CSMD3: variants seen among roughly 807,000 people sequenced by gnomAD.
CSMD3 encodes CUB and Sushi multiple domains 3.
CSMD3 carries 177 observed loss-of-function variants against 435.2 expected under a neutral mutation model. That is an observed-to-expected ratio of 0.41 (90% CI 0.36 to 0.46). CSMD3 has a LOEUF of 0.46. Among genes scored for constraint, CSMD3 ranks in the 20% least tolerant of loss-of-function variants. The pLI, the probability that CSMD3 is intolerant of heterozygous loss-of-function variation, is 0.34. For synonymous variants in CSMD3, 1,656 were observed against 1,520.5 expected (o/e 1.09, Z -2.07); for missense variants, 4,265 against 4,504.6 (o/e 0.95, Z 1.52).
chr8:112,416,166 G>A (rs1248623741), intron 32 of CSMD3, among the ~76,000 whole-genome samples: 1 of 152,148 alleles, frequency 6.6e-6, no homozygotes, highest in African/African-American at 2.4e-5. Flanking sequence ...CATGTGTACT[G>A]GGAAGGACCC....
intron 10 of CSMD3, among the ~76,000 whole-genome samples, chr8:112,916,921 A>G (rs1274840082): frequency 1.3e-5 from 2 of 152,020 alleles, no homozygotes; most frequent in South Asian, 2.1e-4. Flanking sequence ...GGGAATTTGT[A>G]ACATATGTAA....
intron 3 of CSMD3, among the ~76,000 whole-genome samples, chr8:113,204,125 T>A (rs1306208424): frequency 6.6e-6 from 1 of 152,186 alleles, no homozygotes; most frequent in Non-Finnish European, 1.5e-5. Flanking sequence ...CTTAGATTTA[T>A]GTTTTTCCCT....
At chr8:112,336,038 G>A (rs866965920) in intron 44 of CSMD3, among the ~76,000 whole-genome samples, 25 of 151,936 alleles carry the variant, frequency 1.6e-4, no homozygotes, top group Admixed American at 1.5e-3. Context: ...TCAGCCTCCT[G>A]AATAGCTGGG....
intron 1 of CSMD3, among the ~76,000 whole-genome samples, chr8:113,365,846 G>A (rs1238744852): frequency 6.6e-6 from 1 of 151,832 alleles, no homozygotes; most frequent in Non-Finnish European, 1.5e-5. Flanking sequence ...CATATAATCT[G>A]TCATTTTTAT....
At chr8:113,231,796 G>A (rs2093090829) in intron 3 of CSMD3, among the ~76,000 whole-genome samples, 1 of 151,410 alleles carries the variant, frequency 6.6e-6, no homozygotes, top group Non-Finnish European at 1.5e-5. Context: ...CCTAAAAACA[G>A]GAGTGATATT....
rs2130991372 is a variant in CSMD3, at chr8:112,341,523, G to C, written c.6606C>G (p.His2202Gln). 1.2e-6 allele frequency: 2 copies of C among 1,613,230 alleles called. No homozygotes were observed. The highest frequency in any genetic ancestry group is 1.7e-6 in the Non-Finnish European group (2 of 1,179,314). ...STTHETSLYF[H>Q]SDYSQNKQGF... ...CTTGTTTGTTTTGTGAATAGTCACT[G>C]TGAAAATATAAGCTGGTTTCATGGG... Residue 2202 changes from histidine (H) to glutamine (Q), a missense_variant, in exon 42 of 71, where the codon CAC (histidine) becomes CAG (glutamine). Physicochemically the swap from His to Gln is conservative, Grantham distance 24 (BLOSUM62 0). This residue lies in a region of CSMD3 where 3,255 missense variants were observed against 3,380.2 expected (regional missense o/e 0.96). Coordinates refer to ENST00000297405, the MANE Select transcript of CSMD3 (RefSeq NM_198123.2).
At chr8:112,313,331 T>C (rs781203633) in intron 49 of CSMD3, among the ~76,000 whole-genome samples, 8 of 152,126 alleles carry the variant, frequency 5.3e-5, no homozygotes, top group Non-Finnish European at 8.8e-5. Flanking sequence ...GTAAATGATG[T>C]GTTACTCTCT....
intron 32 of CSMD3, among the ~76,000 whole-genome samples, chr8:112,413,300 C>G (rs1482778309): frequency 1.3e-5 from 2 of 152,124 alleles, no homozygotes; most frequent in African/African-American, 4.8e-5. Context: ...AAGTATCCAT[C>G]CAAATAAGAT....
At chr8:113,330,158 TA>T (rs1196279296) in intron 1 of CSMD3, among the ~76,000 whole-genome samples, 1 of 152,066 alleles carries the variant, frequency 6.6e-6, no homozygotes, top group Non-Finnish European at 1.5e-5. Flanking sequence ...CATTTAATAA[TA>T]AAATGCTACT....
chr8:113,066,972 TTAAG>T (rs2088886401), intron 5 of CSMD3, among the ~76,000 whole-genome samples: 1 of 152,100 alleles, frequency 6.6e-6, no homozygotes, highest in African/African-American at 2.4e-5. Context: ...CTAATTTGGA[TTAAG>T]TAATATTAAG....
At chr8:113,419,293 T>C (rs1354483547) in intron 1 of CSMD3, among the ~76,000 whole-genome samples, 1 of 151,954 alleles carries the variant, frequency 6.6e-6, no homozygotes, top group Non-Finnish European at 1.5e-5. Flanking sequence ...AATTTTTGTA[T>C]TTTTAGTAGA....
At chr8:112,970,898 T>C (rs2084630367) in intron 7 of CSMD3, among the ~76,000 whole-genome samples, 1 of 151,958 alleles carries the variant, frequency 6.6e-6, no homozygotes, top group Non-Finnish European at 1.5e-5. Context: ...ATTTTTTGTA[T>C]TTTTATTAGA....
chr8:112,514,587 T>C (rs945739424), intron 28 of CSMD3, among the ~76,000 whole-genome samples: 1 of 152,186 alleles, frequency 6.6e-6, no homozygotes, highest in East Asian at 1.9e-4. Context: ...CTTTCCTATT[T>C]ACCTTCATAT....
chr8:112,459,422 C>T (rs1817215441), intron 32 of CSMD3, among the ~76,000 whole-genome samples: 1 of 150,914 alleles, frequency 6.6e-6, no homozygotes. Flanking sequence ...ATCAGTATGA[C>T]GTGGGTACAG....
chr8:112,639,392 T>G (rs1005356759), intron 20 of CSMD3, among the ~76,000 whole-genome samples: 4 of 152,164 alleles, frequency 2.6e-5, no homozygotes, highest in Admixed American at 1.3e-4. Context: ...ATCTGTTAGA[T>G]GAATGTAATT....
At chr8:112,682,734 T>G (rs901346189) in intron 15 of CSMD3, 98 bp from the exon 16 acceptor site, 1 of 868,964 alleles carries the variant, frequency 1.2e-6, no homozygotes, top group South Asian at 1.4e-5. Flanking sequence ...GAAAGAGATA[T>G]TTTAAAAGGT....
At chr8:113,078,572 A>C (rs1480340629) in intron 5 of CSMD3, among the ~76,000 whole-genome samples, 4 of 152,154 alleles carry the variant, frequency 2.6e-5, no homozygotes, top group Non-Finnish European at 4.4e-5. Context: ...ATTTGGACTT[A>C]TCTTAGTCAT....
At chr8:113,250,382 T>C (rs1366856702) in intron 3 of CSMD3, among the ~76,000 whole-genome samples, 1 of 152,098 alleles carries the variant, frequency 6.6e-6, no homozygotes, top group East Asian at 1.9e-4. Flanking sequence ...GAAGGGAGTG[T>C]AGCTCTCTCA....
intron 9 of CSMD3, among the ~76,000 whole-genome samples, chr8:112,927,399 T>C (rs12548770): frequency 0.43 from 64,987 of 151,850 alleles, 14,052 homozygotes; most frequent in East Asian, 0.52. Flanking sequence ...AAGCTCCTTA[T>C]AGAGGGGTCA....
Sources: gnomAD v4.1 joint callset for allele counts (sites outside exome capture counted in the v4.1 genomes callset) on GRCh38, gnomAD v4.1.1 for gene constraint, gnomAD v4.1.1 regional missense constraint, MANE v1.5 for transcripts, NCBI Gene and HGNC (gene_info 2026-07-23, HGNC 2026-07-21) for gene names.